INTS12: variants seen among roughly 807,000 people sequenced by gnomAD.
The protein encoded by INTS12 is PHD finger protein 22.
INTS12 carries 13 observed loss-of-function variants against 41.6 expected under a neutral mutation model. The observed-to-expected ratio is 0.31, with a 90% confidence interval of 0.20 to 0.50. INTS12 has a LOEUF of 0.50. Among genes scored for constraint, INTS12 ranks in the 20% least tolerant of loss-of-function variants. The pLI, the probability that INTS12 is intolerant of heterozygous loss-of-function variation, is 0.98. For missense variants in INTS12, 432 were observed against 541.6 expected, an observed-to-expected ratio of 0.80 and a Z score of 2.01; for synonymous variants, 199 against 191.4, an observed-to-expected ratio of 1.04 and a Z score of -0.33.
chr4:105,703,836 G>C (rs951423354), intron 1 of INTS12, 27 bp from the exon 2 acceptor site: 2 of 152,198 alleles, frequency 1.3e-5, no homozygotes, highest in African/African-American at 4.8e-5. Flanking sequence ...GGCTGTCAGA[G>C]AGGAATTAAG....
intron 4 of INTS12, 66 bp downstream of exon 4, chr4:105,695,450 T>G: frequency 1.6e-6 from 2 of 1,274,276 alleles, no homozygotes; most frequent in Non-Finnish European, 2.2e-6. Context: ...GCATAAAACA[T>G]TGTTTCTTTC....
chr4:105,692,483 C>CAAA (rs571586438), intron 5 of INTS12, among the ~76,000 whole-genome samples: 5 of 49,168 alleles, frequency 1.0e-4, no homozygotes, highest in African/African-American at 1.6e-4. Context: ...GACTCTGTCT[C>CAAA]AAAAAAAAAA....
At chr4:105,706,117 GGTATTGTCCAA>G (rs1732252390) in intron 1 of INTS12, 2 of 151,982 alleles carry the variant, frequency 1.3e-5, no homozygotes, top group South Asian at 4.2e-4. Flanking sequence ...TGTTGCTTTT[GGTATTGTCCAA>G]GTATTTGTCC....
At chr4:105,697,598 G>A (rs1021056531) in intron 3 of INTS12, among the ~76,000 whole-genome samples, 8 of 152,070 alleles carry the variant, frequency 5.3e-5, no homozygotes, top group East Asian at 3.9e-4. Context: ...GTATGGCTGC[G>A]TTCACATTAC....
chr4:105,684,782 T>C (rs1050233308), intron 7 of INTS12, among the ~76,000 whole-genome samples: 2 of 152,090 alleles, frequency 1.3e-5, no homozygotes, highest in African/African-American at 4.8e-5. Context: ...CTAATTTTTT[T>C]TCCTTTTCTT....
At chr4:105,696,747 T>C (rs1731882710) in intron 3 of INTS12, among the ~76,000 whole-genome samples, 1 of 152,190 alleles carries the variant, frequency 6.6e-6, no homozygotes, top group African/African-American at 2.4e-5. Context: ...TGGTAAGTAT[T>C]AATATATGCT....
rs1045005917 is a variant in INTS12 at position 105,685,718 on chromosome 4, T to A, written c.804+974A>T. The stretch of plus-strand genomic sequence containing the variant: ...GTGCTATGCTTAATATTGGAATGTG[T>A]ACCTCAGTAAAAGTATTCTTTTTGT... On this transcript the variant is annotated intron_variant, in intron 7 of 7. Coordinates refer to ENST00000340139, the MANE Select transcript of INTS12 (RefSeq NM_020395.4). Among the ~76,000 whole-genome samples, 24 of 152,236 alleles carry A rather than the reference T, an allele frequency of 1.6e-4. 1 individual carries two copies. Among genetic ancestry groups the A allele is most frequent in the African/African-American group, 5.1e-4 (21 of 41,568 alleles).
intron 3 of INTS12, among the ~76,000 whole-genome samples, chr4:105,698,285 T>C (rs1731941681): frequency 6.6e-6 from 1 of 152,228 alleles, no homozygotes; most frequent in Non-Finnish European, 1.5e-5. Flanking sequence ...TAGTAAGCAT[T>C]ACCTCCAGGT....
chr4:105,685,658 CTA>C (rs1475317493), intron 7 of INTS12, among the ~76,000 whole-genome samples: 1 of 150,934 alleles, frequency 6.6e-6, no homozygotes. Context: ...GAATTTGAGG[CTA>C]TTTTTTTTTT....
At chr4:105,696,648 C>G (rs1731879449) in intron 3 of INTS12, among the ~76,000 whole-genome samples, 1 of 152,082 alleles carries the variant, frequency 6.6e-6, no homozygotes, top group Non-Finnish European at 1.5e-5. Flanking sequence ...GGGACTATTA[C>G]AAATAAAGCT....
Position 105,700,165 on chromosome 4 carries a change from A to T in INTS12, c.-9-151T>A, listed in dbSNP as rs192455633. ...CAAAAAGTTATTACAAATAAAAGTA[A>T]ATTTCCTTCTTATTCCTGACAGGCA... On this transcript the variant is annotated intron_variant, in intron 2 of 7. Coordinates refer to ENST00000340139, the MANE Select transcript of INTS12 (RefSeq NM_020395.4). The T allele has an allele frequency of 1.3e-5, 6 of 448,534 alleles. No individual in the cohort carries two copies. The Admixed American group carries it at 2.6e-4, about 19-fold the overall frequency. 27.8% of individuals were successfully genotyped at this position (448,534 alleles called of 1,614,324 possible). A position where few individuals can be genotyped will look rare whatever the true frequency, so the allele number is the denominator to read the frequency against.
chr4:105,703,329 A>C (rs1483273071), intron 2 of INTS12, among the ~76,000 whole-genome samples: 1 of 152,230 alleles, frequency 6.6e-6, no homozygotes, highest in East Asian at 1.9e-4. Context: ...GACCTAGGGA[A>C]GTGGTAGTAG....
intron 4 of INTS12, 88 bp downstream of exon 4, chr4:105,695,428 T>C (rs544803010): frequency 4.4e-5 from 41 of 931,854 alleles, no homozygotes; most frequent in East Asian, 3.8e-4. Context: ...CATTATTATA[T>C]AAAAGAAATA....
At chr4:105,685,412 C>T (rs73837096) in intron 7 of INTS12, among the ~76,000 whole-genome samples, 2 of 152,106 alleles carry the variant, frequency 1.3e-5, no homozygotes, top group Admixed American at 6.5e-5. Context: ...GTTATTCTTA[C>T]TTCTATTCCA....
At chr4:105,686,069 T>G (rs1731488097) in intron 7 of INTS12, among the ~76,000 whole-genome samples, 1 of 152,146 alleles carries the variant, frequency 6.6e-6, no homozygotes, top group Non-Finnish European at 1.5e-5. Context: ...CAGATTTCTT[T>G]TTCTTTTTTT....
rs748798493 is a variant in INTS12, at chr4:105,699,843, C to T, written c.156+7G>A. Reference sequence around the variant, plus strand: ...ACTCTCTCCAAGCTTTTTATTCATTCAAGTACCTTTTGAGATGGACGGTAA... The same window carrying T: ...ACTCTCTCCAAGCTTTTTATTCATTTAAGTACCTTTTGAGATGGACGGTAA... On this transcript the variant is annotated splice_region_variant and intron_variant, in intron 3 of 7. Coordinates refer to ENST00000340139, the MANE Select transcript of INTS12 (RefSeq NM_020395.4). 2 of 1,501,082 alleles carry T rather than the reference C, an allele frequency of 1.3e-6. No individual in the cohort carries two copies. Among genetic ancestry groups the T allele is most frequent in the Admixed American group, 1.9e-5 (1 of 53,480 alleles). The allele number at this position is 1,501,082 out of a possible 1,614,324, so 93.0% of individuals were successfully genotyped here.
intron 1 of INTS12, among the ~76,000 whole-genome samples, chr4:105,707,115 A>G (rs1296350281): frequency 6.6e-6 from 1 of 151,726 alleles, no homozygotes; most frequent in African/African-American, 2.4e-5. Flanking sequence ...TGACCCTGCC[A>G]CTCTTATTTT....
At chr4:105,683,891 A>G (rs936429964) in intron 7 of INTS12, among the ~76,000 whole-genome samples, 1 of 152,204 alleles carries the variant, frequency 6.6e-6, no homozygotes, top group Non-Finnish European at 1.5e-5. Context: ...TTTGAGCAAC[A>G]GTTACAGGAG....
intron 6 of INTS12, among the ~76,000 whole-genome samples, chr4:105,690,433 AAG>A (rs1384823561): frequency 1.3e-5 from 2 of 150,994 alleles, no homozygotes; most frequent in Admixed American, 1.3e-4. Flanking sequence ...AGGGTAATAA[AAG>A]AGAAATGAAT....
Sources: allele counts gnomAD v4.1 joint callset (sites outside exome capture counted in the v4.1 genomes callset), GRCh38; gene constraint gnomAD v4.1.1; transcripts MANE v1.5; gene names NCBI Gene and HGNC (gene_info 2026-07-23, HGNC 2026-07-21).